Variants in SLC35F3 observed in about 807,000 individuals in gnomAD.
The protein encoded by SLC35F3 is putative thiamine transporter SLC35F3.
SLC35F3 carries 25 observed loss-of-function variants against 49.9 expected under a neutral mutation model. The observed-to-expected ratio is 0.50, with a 90% CI of 0.37 to 0.70. The LOEUF is 0.70. Among genes scored for constraint, SLC35F3 ranks in the 30% least tolerant of loss-of-function variants. SLC35F3 has a pLI of 0.00. For missense variants in SLC35F3, 525 were observed against 639.8 expected, an observed-to-expected ratio of 0.82 and a Z score of 1.94; for synonymous variants, 275 against 265.4, an observed-to-expected ratio of 1.04 and a Z score of -0.35.
At chr1:234,136,567 C>G (rs1051557931) in intron 2 of SLC35F3, among the ~76,000 whole-genome samples, 1 of 152,150 alleles carries the variant, frequency 6.6e-6, no homozygotes, top group African/African-American at 2.4e-5. Context: ...ACAGATATTC[C>G]CACAAATAGT....
intron 2 of SLC35F3, among the ~76,000 whole-genome samples, chr1:234,080,043 C>T (rs1401580308): frequency 2.0e-5 from 3 of 152,150 alleles, no homozygotes; most frequent in Non-Finnish European, 2.9e-5. Context: ...AGGGTGAGGG[C>T]TGGTTGCTGG....
At chr1:233,948,111 T>A (rs1662542764) in intron 2 of SLC35F3, among the ~76,000 whole-genome samples, 1 of 150,428 alleles carries the variant, frequency 6.6e-6, no homozygotes, top group African/African-American at 2.5e-5. Flanking sequence ...GCACCTCATG[T>A]GGGAACCAGG....
At chr1:234,278,242 G>T (rs150263022) in intron 3 of SLC35F3, among the ~76,000 whole-genome samples, 1 of 152,002 alleles carries the variant, frequency 6.6e-6, no homozygotes, top group Non-Finnish European at 1.5e-5. Context: ...TGTAATCCCC[G>T]CACTTTGAGA....
At chr1:233,993,904 G>A (rs140695607) in intron 2 of SLC35F3, among the ~76,000 whole-genome samples, 9 of 152,266 alleles carry the variant, frequency 5.9e-5, no homozygotes, top group South Asian at 2.1e-4. Flanking sequence ...CCAACCTGCC[G>A]CATGCTCAAA....
chr1:233,976,509 G>T (rs749523538), intron 2 of SLC35F3, among the ~76,000 whole-genome samples: 3 of 152,274 alleles, frequency 2.0e-5, no homozygotes, highest in Non-Finnish European at 4.4e-5. Flanking sequence ...TGTTTTCTCA[G>T]TGTGTGTCCT....
chr1:234,108,488 A>G (rs1413260762), intron 2 of SLC35F3, among the ~76,000 whole-genome samples: 1 of 116,320 alleles, frequency 8.6e-6, no homozygotes, highest in African/African-American at 3.5e-5. Context: ...TATATAAAAG[A>G]TATATATTAT....
intron 2 of SLC35F3, among the ~76,000 whole-genome samples, chr1:233,942,960 G>A (rs565453706): frequency 1.3e-4 from 20 of 152,244 alleles, no homozygotes; most frequent in African/African-American, 3.1e-4. Flanking sequence ...AGTATTTGTC[G>A]TTTTATGACT....
At chr1:233,984,021 C>T (rs76864161) in intron 2 of SLC35F3, among the ~76,000 whole-genome samples, 6,839 of 152,266 alleles carry the variant, frequency 0.045, 523 homozygotes, top group African/African-American at 0.15. Flanking sequence ...CCAACCACAT[C>T]CTGCGTTTTC....
intron 2 of SLC35F3, among the ~76,000 whole-genome samples, chr1:234,001,909 T>C (rs1180002256): frequency 2.0e-5 from 3 of 152,276 alleles, no homozygotes; most frequent in African/African-American, 7.2e-5. Context: ...CATCAAGCTG[T>C]CCTAAATTTC....
intron 2 of SLC35F3, among the ~76,000 whole-genome samples, chr1:234,011,419 GTATT>G (rs1473257884): frequency 6.6e-6 from 1 of 152,090 alleles, no homozygotes; most frequent in Non-Finnish European, 1.5e-5. Context: ...TAATTTATAT[GTATT>G]TATTTATTCA....
chr1:233,912,360 C>T (rs1558176160), intron 2 of SLC35F3, among the ~76,000 whole-genome samples: 1 of 152,044 alleles, frequency 6.6e-6, no homozygotes, highest in Non-Finnish European at 1.5e-5. Flanking sequence ...CACCTGTAAT[C>T]CCAGCTTCTC....
intron 2 of SLC35F3, among the ~76,000 whole-genome samples, chr1:234,059,625 GACATAGA>G (rs1558217603): frequency 1.5e-5 from 1 of 65,452 alleles, no homozygotes; most frequent in Non-Finnish European, 3.6e-5. Context: ...ACTAGACATA[GACATAGA>G]CATAGACATA....
At chr1:234,195,381 C>T (rs950096492) in intron 2 of SLC35F3, among the ~76,000 whole-genome samples, 7 of 152,186 alleles carry the variant, frequency 4.6e-5, no homozygotes. Context: ...TGACTTTATT[C>T]AGGCTTATTT....
At chr1:234,157,429 C>T (rs1459639952) in intron 2 of SLC35F3, among the ~76,000 whole-genome samples, 1 of 151,842 alleles carries the variant, frequency 6.6e-6, no homozygotes, top group Non-Finnish European at 1.5e-5. Context: ...AGTGGCCTGG[C>T]GATTACCTCT....
rs112636769 is a variant in SLC35F3 at position 233,944,309 on chromosome 1, T to C, written c.283+38551T>C. Among the ~76,000 whole-genome samples, 515 of 152,324 alleles carry C rather than the reference T, an allele frequency of 3.4e-3. 2 individuals are homozygous for C. Among genetic ancestry groups the C allele is most frequent in the African/African-American group, 0.011 (476 of 41,564 alleles). On this transcript the variant is annotated intron_variant, in intron 2 of 7. Coordinates refer to ENST00000366618, the MANE Select transcript of SLC35F3 (RefSeq NM_173508.4). ...CTAGCTGTAATGTTTTAAAGCCTTC[T>C]CAGTTGAACACTTGCTTCATTTATT...
At chr1:233,991,125 C>T (rs1422482417) in intron 2 of SLC35F3, among the ~76,000 whole-genome samples, 4 of 152,144 alleles carry the variant, frequency 2.6e-5, no homozygotes, top group African/African-American at 9.7e-5. Context: ...TAACTGTGCC[C>T]TTCTTCCTAA....
intron 2 of SLC35F3, among the ~76,000 whole-genome samples, chr1:234,210,102 C>T (rs1572096146): frequency 6.6e-6 from 1 of 151,990 alleles, no homozygotes; most frequent in Admixed American, 6.6e-5. Flanking sequence ...TCATGAGAAA[C>T]GATGGTTCTA....
At chr1:234,266,873 G>GTT (rs34040004) in intron 3 of SLC35F3, among the ~76,000 whole-genome samples, 14,327 of 107,800 alleles carry the variant, frequency 0.13, 1,152 homozygotes, top group Middle Eastern at 0.19. Flanking sequence ...GAAGCACATG[G>GTT]TTTTTTTTTT....
intron 2 of SLC35F3, among the ~76,000 whole-genome samples, chr1:234,149,442 CTG>C (rs1666404909): frequency 6.6e-6 from 1 of 152,204 alleles, no homozygotes; most frequent in African/African-American, 2.4e-5. Flanking sequence ...TGCCTGCTGA[CTG>C]TTTGGGGATA....
Sources: gnomAD v4.1 joint callset for allele counts (sites outside exome capture counted in the v4.1 genomes callset) on GRCh38, gnomAD v4.1.1 for gene constraint, MANE v1.5 for transcripts, NCBI Gene and HGNC (gene_info 2026-07-23, HGNC 2026-07-21) for gene names.